The following NAALADL2 variants were observed in gnomAD, a reference collection of about 807,000 sequenced individuals.
The protein encoded by NAALADL2 is inactive N-acetylated-alpha-linked acidic dipeptidase-like protein 2.
NAALADL2 carries 76 observed loss-of-function variants against 87.2 expected under a neutral mutation model. That is an observed-to-expected ratio of 0.87 (90% CI 0.72 to 1.05). NAALADL2 has a LOEUF of 1.05. Ranked by LOEUF, NAALADL2 falls within the 50% of genes least tolerant of loss-of-function variation. The pLI is 0.00. For synonymous variants in NAALADL2, 354 were observed against 331.0 expected (o/e 1.07, Z -0.75); for missense variants, 1,089 against 945.8 (o/e 1.15, Z -1.99).
chr3:175,321,227 G>T (rs1259445891), intron 4 of NAALADL2, among the ~76,000 whole-genome samples: 1 of 146,354 alleles, frequency 6.8e-6, no homozygotes, highest in East Asian at 2.3e-4. Context: ...CAGTGCCAAA[G>T]ACAAAAACCA....
At chr3:175,614,552 T>C (rs13434274) in intron 10 of NAALADL2, among the ~76,000 whole-genome samples, 29,158 of 152,174 alleles carry the variant, frequency 0.19, 3,184 homozygotes, top group African/African-American at 0.29. Flanking sequence ...GCCTCCTGCC[T>C]ATCAGAAAAT....
At chr3:175,119,704 G>GATATAGATATAGAT (rs1725832547) in intron 2 of NAALADL2, among the ~76,000 whole-genome samples, 1 of 147,344 alleles carries the variant, frequency 6.8e-6, no homozygotes, top group African/African-American at 2.5e-5. Flanking sequence ...TATAGATATA[G>GATATAGATATAGAT]ATATAGATAT....
intron 11 of NAALADL2, among the ~76,000 whole-genome samples, chr3:175,706,885 T>A (rs1227171307): frequency 6.6e-6 from 1 of 152,114 alleles, no homozygotes; most frequent in Non-Finnish European, 1.5e-5. Flanking sequence ...AGGGCACTCA[T>A]AATAATGATC....
At chr3:174,941,996 T>G (rs1297023349) in intron 1 of NAALADL2, among the ~76,000 whole-genome samples, 1 of 152,128 alleles carries the variant, frequency 6.6e-6, no homozygotes, top group Non-Finnish European at 1.5e-5. Context: ...TTTAGCTCAT[T>G]TACATTCAGG....
chr3:174,604,634 G>T (rs571403234), intron 2 of NAALADL2, among the ~76,000 whole-genome samples: 10 of 152,056 alleles, frequency 6.6e-5, no homozygotes, highest in African/African-American at 2.2e-4. Context: ...TTGTGTGTGT[G>T]TGTGTGTATG....
intron 11 of NAALADL2, among the ~76,000 whole-genome samples, chr3:175,665,660 C>T (rs572399152): frequency 2.0e-5 from 3 of 152,252 alleles, no homozygotes; most frequent in Admixed American, 1.3e-4. Flanking sequence ...AGGCTGGGCG[C>T]GATGGCTCAC....
intron 1 of NAALADL2, among the ~76,000 whole-genome samples, chr3:175,075,950 A>G (rs1217075265): frequency 6.6e-6 from 1 of 152,124 alleles, no homozygotes; most frequent in East Asian, 1.9e-4. Context: ...ATAACAGGCC[A>G]GGCATAGTGA....
intron 3 of NAALADL2, among the ~76,000 whole-genome samples, chr3:174,801,134 T>G (rs1042459767): frequency 6.6e-6 from 1 of 152,080 alleles, no homozygotes; most frequent in African/African-American, 2.4e-5. Flanking sequence ...ACATGATTGG[T>G]TTTGAATGCG....
chr3:174,461,491 T>A (rs893063220), intron 1 of NAALADL2, among the ~76,000 whole-genome samples: 2 of 152,196 alleles, frequency 1.3e-5, no homozygotes, highest in Admixed American at 6.5e-5. Flanking sequence ...TGCGGATTTT[T>A]CCTTGGTTTA....
chr3:175,311,660 C>T (rs1758378378), intron 4 of NAALADL2, among the ~76,000 whole-genome samples: 1 of 150,052 alleles, frequency 6.7e-6, no homozygotes, highest in East Asian at 2.0e-4. Flanking sequence ...CCCTCCCTCC[C>T]TTCTTTCCTT....
At chr3:175,402,688 T>G (rs1412990850) in intron 5 of NAALADL2, among the ~76,000 whole-genome samples, 1 of 152,082 alleles carries the variant, frequency 6.6e-6, no homozygotes, top group African/African-American at 2.4e-5. Flanking sequence ...TCTATGAAGT[T>G]TATACCAGCT....
chr3:175,165,595 C>T (rs1733884032), intron 2 of NAALADL2, among the ~76,000 whole-genome samples: 1 of 151,970 alleles, frequency 6.6e-6, no homozygotes, highest in African/African-American at 2.4e-5. Context: ...ATGTAAAATT[C>T]CTAAGAAATG....
rs1714247172 is a variant in NAALADL2 at position 175,414,654 on chromosome 3, GTGACTT to G, written c.1091-32571_1091-32566del. ...CAGTCAAGAGTATGTTATTCAAAAA[GTGACTT>G]TGAAATGTTTCATTTCAAAGTTCCT... is the stretch of plus-strand genomic sequence containing the variant. On this transcript the variant is annotated intron_variant, in intron 5 of 13. Coordinates refer to ENST00000454872, the MANE Select transcript of NAALADL2 (RefSeq NM_207015.3). Among the ~76,000 whole-genome samples the G allele has an allele frequency of 2.6e-5, 4 of 152,188 alleles. No homozygotes were observed. In the South Asian group the frequency reaches 8.3e-4, roughly 31 times the overall value.
intron 2 of NAALADL2, among the ~76,000 whole-genome samples, chr3:174,643,465 C>T (rs906656751): frequency 5.9e-5 from 9 of 151,948 alleles, no homozygotes; most frequent in Admixed American, 5.9e-4. Context: ...CAGCCTTGGC[C>T]AACACAATGA....
chr3:175,413,323 G>A (rs1713958059), intron 5 of NAALADL2, among the ~76,000 whole-genome samples: 1 of 151,070 alleles, frequency 6.6e-6, no homozygotes, highest in Non-Finnish European at 1.5e-5. Flanking sequence ...TGTAATCCCA[G>A]CCTTTTGGGA....
At chr3:175,783,067 C>T in intron 13 of NAALADL2, among the ~76,000 whole-genome samples, 1 of 148,738 alleles carries the variant, frequency 6.7e-6, no homozygotes, top group South Asian at 2.1e-4. Flanking sequence ...TGATCTATAT[C>T]TCTGTTTTGG....
chr3:174,617,389 A>G (rs1163250915), intron 2 of NAALADL2, among the ~76,000 whole-genome samples: 2 of 151,768 alleles, frequency 1.3e-5, no homozygotes, highest in Admixed American at 1.3e-4. Flanking sequence ...TACAAATCCC[A>G]TTTTAATTAA....
intron 2 of NAALADL2, among the ~76,000 whole-genome samples, chr3:174,565,695 T>C (rs770710288): frequency 3.9e-5 from 6 of 152,028 alleles, no homozygotes; most frequent in Non-Finnish European, 7.4e-5. Context: ...ATGCTAAAGA[T>C]TGGGATTGCT....
intron 1 of NAALADL2, among the ~76,000 whole-genome samples, chr3:175,084,989 GGC>G (rs969361403): frequency 3.3e-5 from 5 of 152,076 alleles, no homozygotes; most frequent in Non-Finnish European, 7.4e-5. Context: ...AGACTCCAAG[GGC>G]GCTATACACT....
Sources: gnomAD v4.1 joint callset for allele counts (sites outside exome capture counted in the v4.1 genomes callset) on GRCh38, gnomAD v4.1.1 for gene constraint, MANE v1.5 for transcripts, NCBI Gene and HGNC (gene_info 2026-07-23, HGNC 2026-07-21) for gene names.